XPR1: variants seen among roughly 807,000 people sequenced by gnomAD.
XPR1 encodes xenotropic and polytropic retrovirus receptor 1.
A neutral mutation model predicts 87.5 loss-of-function variants in XPR1; 28 were observed. That is an observed-to-expected ratio of 0.32 (90% CI 0.24 to 0.44). The LOEUF (loss-of-function observed/expected upper bound fraction) is 0.44, where lower values mean the gene tolerates loss of function less well. XPR1 is among the 20% of genes least tolerant of loss of function. The pLI, the probability that XPR1 is intolerant of heterozygous loss-of-function variation, is 1.00. For missense variants in XPR1, 559 were observed against 862.3 expected (o/e 0.65, Z 4.41); for synonymous variants, 300 against 306.1 (o/e 0.98, Z 0.21).
chr1:180,646,859 T>G (rs905362557), intron 1 of XPR1, among the ~76,000 whole-genome samples: 1 of 152,244 alleles, frequency 6.6e-6, no homozygotes, highest in African/African-American at 2.4e-5. Flanking sequence ...CAGATGCAGC[T>G]GTACAATTGA....
At chr1:180,824,152 T>A (rs1650739325) in intron 7 of XPR1, among the ~76,000 whole-genome samples, 1 of 152,224 alleles carries the variant, frequency 6.6e-6, no homozygotes, top group Admixed American at 6.5e-5. Context: ...ACCATGATTC[T>A]TTGTAATCTA....
chr1:180,750,756 A>T (rs183863964), intron 2 of XPR1, among the ~76,000 whole-genome samples: 1 of 152,080 alleles, frequency 6.6e-6, no homozygotes, highest in African/African-American at 2.4e-5. Flanking sequence ...TTTTAAATCT[A>T]CTTGTCAATT....
At chr1:180,834,292 C>G (rs1374462733) in intron 9 of XPR1, among the ~76,000 whole-genome samples, 1 of 152,120 alleles carries the variant, frequency 6.6e-6, no homozygotes, top group Admixed American at 6.5e-5. Flanking sequence ...GTTGGCCAGG[C>G]TGGTCTCGAA....
At chr1:180,824,451 C>T (rs935845839) in intron 7 of XPR1, among the ~76,000 whole-genome samples, 1 of 151,950 alleles carries the variant, frequency 6.6e-6, no homozygotes, top group Non-Finnish European at 1.5e-5. Flanking sequence ...CGTGGTGGTG[C>T]GTGCCTGTAA....
intron 1 of XPR1, among the ~76,000 whole-genome samples, chr1:180,659,397 T>G (rs867590479): frequency 1.1e-3 from 88 of 83,458 alleles, no homozygotes; most frequent in African/African-American, 2.5e-3. Context: ...CCTTCCTTCC[T>G]TCCTTCCTTC....
intron 6 of XPR1, among the ~76,000 whole-genome samples, chr1:180,810,371 A>G (rs746857701): frequency 9.2e-5 from 14 of 152,152 alleles, no homozygotes; most frequent in Non-Finnish European, 1.6e-4. Flanking sequence ...GCCTGAGCCC[A>G]GGAGTTCAAG....
chr1:180,761,795 C>G (rs9701903), intron 2 of XPR1, among the ~76,000 whole-genome samples: 52,686 of 151,908 alleles, frequency 0.35, 9,534 homozygotes, highest in Non-Finnish European at 0.39. Flanking sequence ...GATTATAAAT[C>G]ATGCTGCTAT....
chr1:180,803,485 G>A lies in XPR1; in HGVS notation c.321G>A (p.Leu107=). The change falls in exon 4 of 15, where the codon CTG becomes CTA. Residue 107 remains leucine (L), a synonymous_variant. Transcript: ENST00000367590. ...AAGAAAGCACTGGTGTTACTACGCT[G>A]CGACAACGCAGAAAGCCAGTCTTCC... ...AQKESTGVTT[L]RQRRKPVFHL... is the part of the protein sequence containing the mutation. 1.2e-6 allele frequency: 2 copies of A among 1,614,016 alleles called. No homozygotes were observed. The highest frequency in any genetic ancestry group is 1.7e-6 in the Non-Finnish European group (2 of 1,179,996).
chr1:180,645,824 A>G (rs1655102329), intron 1 of XPR1, among the ~76,000 whole-genome samples: 1 of 152,220 alleles, frequency 6.6e-6, no homozygotes, highest in African/African-American at 2.4e-5. Context: ...CATAGACTCA[A>G]CATTTGGAAG....
intron 13 of XPR1, among the ~76,000 whole-genome samples, chr1:180,879,699 C>T (rs549689834): frequency 1.3e-5 from 2 of 152,278 alleles, no homozygotes; most frequent in South Asian, 2.1e-4. Context: ...TATCATTAGC[C>T]GATTGATTGT....
At chr1:180,781,528 A>G (rs1350006935) in intron 2 of XPR1, among the ~76,000 whole-genome samples, 1 of 151,760 alleles carries the variant, frequency 6.6e-6, no homozygotes, top group Non-Finnish European at 1.5e-5. Context: ...ATATTCCTGA[A>G]TGTTGCTGTA....
intron 11 of XPR1, among the ~76,000 whole-genome samples, chr1:180,859,015 G>A (rs1652130110): frequency 6.8e-3 from 3 of 442 alleles, no homozygotes; most frequent in South Asian, 0.2. Context: ...ATAGGTTTGG[G>A]CTTTGAAAAC....
intron 11 of XPR1, among the ~76,000 whole-genome samples, chr1:180,837,574 T>G (rs1181247640): frequency 6.6e-6 from 1 of 152,180 alleles, no homozygotes; most frequent in Non-Finnish European, 1.5e-5. Flanking sequence ...GATCAGAACA[T>G]TGCTTCAATA....
rs575971533 is a variant in XPR1 at position 180,854,411 on chromosome 1, T to C, written c.1502-9297T>C. 9.8e-5 allele frequency among the ~76,000 whole-genome samples: 15 copies of C among 152,366 alleles called. 1 individual carries two copies. In the South Asian group the frequency reaches 2.7e-3, roughly 27 times the overall value. On this transcript the variant is annotated intron_variant, in intron 11 of 14. Coordinates refer to ENST00000367590, the MANE Select transcript of XPR1 (RefSeq NM_004736.4). ...ACCAAATGTGTGGTGAGTAAACATA[T>C]ATGTTACATATGTCCCATGTTCACT...
intron 2 of XPR1, among the ~76,000 whole-genome samples, chr1:180,777,101 G>C (rs1448119043): frequency 6.6e-6 from 1 of 152,144 alleles, no homozygotes; most frequent in Non-Finnish European, 1.5e-5. Flanking sequence ...GGCCTAGAGT[G>C]TTACTTGCTC....
chr1:180,844,651 G>A (rs1651619318), intron 11 of XPR1, among the ~76,000 whole-genome samples: 1 of 152,196 alleles, frequency 6.6e-6, no homozygotes, highest in Non-Finnish European at 1.5e-5. Context: ...AGGTCAGCTG[G>A]GAATTGACTG....
intron 2 of XPR1, among the ~76,000 whole-genome samples, chr1:180,778,403 TC>T (rs1275024794): frequency 6.6e-6 from 1 of 152,212 alleles, no homozygotes; most frequent in Non-Finnish European, 1.5e-5. Flanking sequence ...ATGTATTAGT[TC>T]CACTTCTCAT....
chr1:180,651,090 G>C (rs573210887), intron 1 of XPR1, among the ~76,000 whole-genome samples: 1 of 151,720 alleles, frequency 6.6e-6, no homozygotes, highest in Non-Finnish European at 1.5e-5. Context: ...ATAGTAGCTG[G>C]ACATTTGGAA....
chr1:180,851,011 GGTTATA>G (rs946906201), intron 11 of XPR1, among the ~76,000 whole-genome samples: 15 of 151,786 alleles, frequency 9.9e-5, no homozygotes, highest in African/African-American at 3.4e-4. Flanking sequence ...CTTTTAAAGT[GGTTATA>G]GTTGTTAGCA....
Sources: allele counts gnomAD v4.1 joint callset (sites outside exome capture counted in the v4.1 genomes callset), GRCh38; gene constraint gnomAD v4.1.1; transcripts MANE v1.5; gene names NCBI Gene and HGNC (gene_info 2026-07-23, HGNC 2026-07-21).